CATSPERT: variants seen among roughly 807,000 people sequenced by gnomAD.
CATSPERT encodes cation channel sperm-associated targeting subunit tau.
chr2:201,618,529 G>A, the CATSPERT span, among the ~76,000 whole-genome samples: 1 of 146,162 alleles, frequency 6.8e-6, no homozygotes, highest in South Asian at 2.2e-4. Flanking sequence ...TTGGACACGG[G>A]GGGGGAACAT....
chr2:201,609,075 G>A, the CATSPERT span, among the ~76,000 whole-genome samples: 1 of 151,964 alleles, frequency 6.6e-6, no homozygotes, highest in Non-Finnish European at 1.5e-5. Context: ...AAACAGTAAA[G>A]AGACAATTTA....
the CATSPERT span, chr2:201,535,006 G>T: frequency 1.9e-6 from 1 of 516,968 alleles, no homozygotes; most frequent in Non-Finnish European, 2.5e-6. Flanking sequence ...AAATAAAATT[G>T]TTAAATCTAG....
the CATSPERT span, chr2:201,601,981 A>C: frequency 2.3e-6 from 2 of 880,018 alleles, no homozygotes; most frequent in Non-Finnish European, 3.3e-6. Context: ...CCAAAACCTA[A>C]GAATCAATCA....
chr2:201,569,838 C>G, the CATSPERT span, among the ~76,000 whole-genome samples: 1 of 152,126 alleles, frequency 6.6e-6, no homozygotes, highest in Non-Finnish European at 1.5e-5. Context: ...TTCAAGTAAA[C>G]AAGCTATGAG....
chr2:201,590,525 G>C, the CATSPERT span, among the ~76,000 whole-genome samples: 1 of 151,758 alleles, frequency 6.6e-6, no homozygotes, highest in African/African-American at 2.4e-5. Context: ...TGGGTCAAAT[G>C]GTATTTCTAG....
the CATSPERT span, among the ~76,000 whole-genome samples, chr2:201,516,930 C>CTTTTTTT: frequency 1.5e-5 from 2 of 135,520 alleles, no homozygotes. Flanking sequence ...AATAGGAAGG[C>CTTTTTTT]TTTTTTTTTT....
the CATSPERT span, chr2:201,493,323 T>A: frequency 6.5e-7 from 1 of 1,536,756 alleles, no homozygotes. Context: ...CCTGTATAAA[T>A]TCAGCTCTAC....
the CATSPERT span, chr2:201,565,940 T>G: frequency 2.1e-6 from 3 of 1,416,248 alleles, no homozygotes; most frequent in Admixed American, 2.2e-5. Context: ...CAGTGGCAGC[T>G]ATCACTTTTG....
the CATSPERT span, among the ~76,000 whole-genome samples, chr2:201,610,234 C>A: frequency 6.6e-6 from 1 of 152,088 alleles, no homozygotes; most frequent in African/African-American, 2.4e-5. Context: ...GCAGGCAGAT[C>A]ATGAGGTCAG....
the CATSPERT span, among the ~76,000 whole-genome samples, chr2:201,596,256 G>T: frequency 0.88 from 133,280 of 151,908 alleles, 59,462 homozygotes; most frequent in South Asian, 0.98. Context: ...TAAAAAAGAT[G>T]GAGATCATAT....
the CATSPERT span, among the ~76,000 whole-genome samples, chr2:201,509,942 T>G: frequency 0.041 from 6,196 of 150,870 alleles, 488 homozygotes; most frequent in African/African-American, 0.09. Context: ...ACATTTAATT[T>G]TAAAGATATC....
chr2:201,523,226 C>T, the CATSPERT span, among the ~76,000 whole-genome samples: 1 of 152,200 alleles, frequency 6.6e-6, no homozygotes, highest in Non-Finnish European at 1.5e-5. Context: ...CAACAAAGCA[C>T]TTCTGCCAGC....
At chr2:201,606,929 C>A in the CATSPERT span, among the ~76,000 whole-genome samples, 1 of 149,498 alleles carries the variant, frequency 6.7e-6, no homozygotes, top group Non-Finnish European at 1.5e-5. Context: ...TTATGGAGAG[C>A]AGTTAATATA....
chr2:201,604,295 A>C, the CATSPERT span, among the ~76,000 whole-genome samples: 1 of 152,144 alleles, frequency 6.6e-6, no homozygotes, highest in Non-Finnish European at 1.5e-5. Context: ...AGCTCAGTAA[A>C]ATTACTGATT....
At chr2:201,579,609 G>A in the CATSPERT span, among the ~76,000 whole-genome samples, 5 of 151,736 alleles carry the variant, frequency 3.3e-5, no homozygotes, top group Non-Finnish European at 5.9e-5. Flanking sequence ...CAACTTTTTC[G>A]AATCTGTATT....
the CATSPERT span, chr2:201,557,318 T>C: frequency 2.0e-5 from 3 of 152,220 alleles, no homozygotes; most frequent in African/African-American, 7.2e-5. Context: ...GGGTGAGAAT[T>C]ATATCATTTT....
At chr2:201,540,255 T>C in the CATSPERT span, among the ~76,000 whole-genome samples, 40 of 152,348 alleles carry the variant, frequency 2.6e-4, no homozygotes, top group African/African-American at 8.9e-4. Flanking sequence ...TGCAGCGAGT[T>C]ACCCAGAAGA....
the CATSPERT span, among the ~76,000 whole-genome samples, chr2:201,564,440 A>C: frequency 6.6e-6 from 1 of 151,960 alleles, no homozygotes; most frequent in Non-Finnish European, 1.5e-5. Context: ...AGAGAAAAAA[A>C]CCAATAATTT....
chr2:201,606,846 C>T, the CATSPERT span, among the ~76,000 whole-genome samples: 2 of 150,830 alleles, frequency 1.3e-5, no homozygotes, highest in African/African-American at 2.4e-5. Flanking sequence ...TTGCAGTGAG[C>T]CAAGATCGCG....
Sources: allele counts gnomAD v4.1 joint callset (sites outside exome capture counted in the v4.1 genomes callset), GRCh38; gene constraint gnomAD v4.1.1; transcripts MANE v1.5; gene names NCBI Gene and HGNC (gene_info 2026-07-23, HGNC 2026-07-21).